The following NAALADL2 variants were observed in gnomAD, a reference collection of about 807,000 sequenced individuals.
NAALADL2 encodes the protein N-acetylated alpha-linked acidic dipeptidase like 2.
In NAALADL2, 76 loss-of-function variants were observed where a neutral mutation model predicts 87.2. The observed-to-expected ratio is 0.87, with a 90% CI of 0.72 to 1.05. The LOEUF (loss-of-function observed/expected upper bound fraction) is 1.05, where lower values mean the gene tolerates loss of function less well. NAALADL2 is among the 50% of genes least tolerant of loss of function. NAALADL2 has a pLI of 0.00. For synonymous variants in NAALADL2, 354 were observed against 331.0 expected (o/e 1.07, Z -0.75); for missense variants, 1,089 against 945.8 (o/e 1.15, Z -1.99).
intron 11 of NAALADL2, among the ~76,000 whole-genome samples, chr3:175,650,145 A>G (rs1025438262): frequency 3.3e-5 from 5 of 152,158 alleles, no homozygotes; most frequent in African/African-American, 1.2e-4. Flanking sequence ...AATAAAAAGA[A>G]TAAAATACTG....
intron 5 of NAALADL2, among the ~76,000 whole-genome samples, chr3:175,437,682 A>G (rs973849538): frequency 7.3e-5 from 11 of 150,562 alleles, no homozygotes; most frequent in South Asian, 4.2e-4. Context: ...GAGGCATCAC[A>G]CTACCTGACT....
At chr3:175,211,765 G>A (rs1338354531) in intron 2 of NAALADL2, among the ~76,000 whole-genome samples, 1 of 151,906 alleles carries the variant, frequency 6.6e-6, no homozygotes, top group Non-Finnish European at 1.5e-5. Context: ...ATTGTGATGT[G>A]CAATTATATT....
rs553874655 is a variant in NAALADL2 at position 175,661,032 on chromosome 3, C to T, written c.1896+33646C>T. Among the ~76,000 whole-genome samples the T allele has an allele frequency of 1.6e-3, 245 of 152,064 alleles. 1 individual carries two copies. The highest frequency in any genetic ancestry group is 3.1e-3 in the Non-Finnish European group (213 of 67,906). ...ATACCCAGCAGAGTGACTGATGGACCGTAAGGTAGTTCTATTTTTAGTTTT... is the reference window on the plus strand; with the variant it reads ...ATACCCAGCAGAGTGACTGATGGACTGTAAGGTAGTTCTATTTTTAGTTTT... On this transcript the variant is annotated intron_variant, in intron 11 of 13. Coordinates refer to ENST00000454872, the MANE Select transcript of NAALADL2 (RefSeq NM_207015.3).
chr3:174,488,415 A>T (rs895304338), intron 1 of NAALADL2, among the ~76,000 whole-genome samples: 2 of 152,082 alleles, frequency 1.3e-5, no homozygotes, highest in Admixed American at 1.3e-4. Context: ...AATAATATAT[A>T]TAAAGCAACT....
At chr3:175,519,219 A>T (rs557251337) in intron 9 of NAALADL2, among the ~76,000 whole-genome samples, 66 of 152,350 alleles carry the variant, frequency 4.3e-4, no homozygotes, top group African/African-American at 1.5e-3. Context: ...GGCAGAGGGA[A>T]AATTAGAATG....
At chr3:175,638,264 A>G (rs16826080) in intron 11 of NAALADL2, among the ~76,000 whole-genome samples, 38,891 of 152,044 alleles carry the variant, frequency 0.26, 5,570 homozygotes, top group African/African-American at 0.4. Flanking sequence ...AGCAAAGGAA[A>G]TAAAAGAGGG....
chr3:174,604,701 T>G (rs1307095026), intron 2 of NAALADL2, among the ~76,000 whole-genome samples: 3 of 152,078 alleles, frequency 2.0e-5, no homozygotes, highest in Non-Finnish European at 4.4e-5. Flanking sequence ...TAATTTTCTC[T>G]GGTGATGTAA....
intron 2 of NAALADL2, among the ~76,000 whole-genome samples, chr3:174,567,180 T>C (rs1016914587): frequency 5.9e-5 from 9 of 151,610 alleles, no homozygotes; most frequent in Non-Finnish European, 1.2e-4. Context: ...TGGTTGGACA[T>C]GAGTTATGAC....
At chr3:175,797,507 A>G (rs13340161) in intron 13 of NAALADL2, among the ~76,000 whole-genome samples, 352 of 152,260 alleles carry the variant, frequency 2.3e-3, no homozygotes, top group African/African-American at 8.2e-3. Flanking sequence ...TCACTAAGGA[A>G]TATGAGTCCT....
intron 1 of NAALADL2, among the ~76,000 whole-genome samples, chr3:174,536,042 G>C (rs968973566): frequency 1.3e-5 from 2 of 151,840 alleles, no homozygotes; most frequent in Non-Finnish European, 2.9e-5. Context: ...TATTCCTTAG[G>C]AACATCAAAT....
At chr3:175,234,284 G>T in intron 3 of NAALADL2, 80 bp downstream of exon 3, 1 of 1,422,030 alleles carries the variant, frequency 7.0e-7, no homozygotes. Flanking sequence ...TGAACTAACT[G>T]TCAAGATGCA....
chr3:175,718,486 T>C (rs11557779), intron 11 of NAALADL2: 15 of 1,587,030 alleles, frequency 9.5e-6, no homozygotes, highest in Non-Finnish European at 1.2e-5. Flanking sequence ...ATATTCGGTT[T>C]TCATAAATTG....
intron 2 of NAALADL2, among the ~76,000 whole-genome samples, chr3:175,106,329 T>C (rs1009816172): frequency 2.6e-5 from 4 of 152,098 alleles, no homozygotes; most frequent in African/African-American, 7.2e-5. Flanking sequence ...AGTGATTATC[T>C]TCTACTGTCA....
chr3:174,729,105 A>G (rs367627074), intron 2 of NAALADL2, among the ~76,000 whole-genome samples: 6 of 152,158 alleles, frequency 3.9e-5, no homozygotes, highest in African/African-American at 1.4e-4. Flanking sequence ...TTTAGAGTGT[A>G]TTAGTAAATG....
At chr3:175,338,833 C>T (rs182460764) in intron 5 of NAALADL2, among the ~76,000 whole-genome samples, 1 of 152,074 alleles carries the variant, frequency 6.6e-6, no homozygotes, top group Non-Finnish European at 1.5e-5. Flanking sequence ...TCTTGGGCAC[C>T]TCTCAAGTCA....
chr3:175,489,888 T>C (rs1224633845), intron 9 of NAALADL2, among the ~76,000 whole-genome samples: 1 of 152,188 alleles, frequency 6.6e-6, no homozygotes, highest in Non-Finnish European at 1.5e-5. Flanking sequence ...CATTAGTATA[T>C]GACAATCGAC....
At chr3:175,049,649 T>G (rs1755118537) in intron 1 of NAALADL2, among the ~76,000 whole-genome samples, 1 of 152,062 alleles carries the variant, frequency 6.6e-6, no homozygotes, top group Non-Finnish European at 1.5e-5. Flanking sequence ...ATACCAGAGT[T>G]TTTTCCTGAT....
intron 2 of NAALADL2, among the ~76,000 whole-genome samples, chr3:175,139,968 G>T (rs1232573454): frequency 2.0e-5 from 3 of 148,008 alleles, no homozygotes; most frequent in Non-Finnish European, 4.4e-5. Context: ...AAAAAGGATT[G>T]AATTAAATGA....
intron 11 of NAALADL2, among the ~76,000 whole-genome samples, chr3:175,658,609 T>C (rs1731821798): frequency 6.6e-6 from 1 of 152,148 alleles, no homozygotes; most frequent in Admixed American, 6.5e-5. Context: ...AAACAATCAG[T>C]TCTCCTAACC....
Sources: gnomAD v4.1 joint callset for allele counts (sites outside exome capture counted in the v4.1 genomes callset) on GRCh38, gnomAD v4.1.1 for gene constraint, MANE v1.5 for transcripts, NCBI Gene and HGNC (gene_info 2026-07-23, HGNC 2026-07-21) for gene names.